Variants in GALNT9 observed in about 807,000 individuals in gnomAD.
GALNT9 encodes the protein GalNAc transferase 9.
In GALNT9, 47 loss-of-function variants were observed where a neutral mutation model predicts 63.1. The ratio of observed to expected loss-of-function variants is 0.75; its 90% CI spans 0.59 to 0.95. The LOEUF (loss-of-function observed/expected upper bound fraction) is 0.95. GALNT9 is among the 40% of genes least tolerant of loss of function. GALNT9 has a pLI of 0.00. For missense variants in GALNT9, 829 were observed against 874.8 expected, an observed-to-expected ratio of 0.95 and a Z score of 0.66; for synonymous variants, 396 against 365.7, an observed-to-expected ratio of 1.08 and a Z score of -0.94.
chr12:132,248,532 A>G (rs1204644095), intron 5 of GALNT9, among the ~76,000 whole-genome samples: 1 of 152,090 alleles, frequency 6.6e-6, no homozygotes, highest in Non-Finnish European at 1.5e-5. Context: ...CTTGAACATC[A>G]TTTCCCAAGT....
Position 132,310,828 on chromosome 12 carries a change from T to C in GALNT9, c.238+18138A>G, listed in dbSNP as rs952227520. On this transcript the variant is annotated intron_variant, in intron 1 of 10. Transcript: ENST00000328957. The surrounding 1 kb of genome is among the most constrained non-coding windows in gnomAD (Gnocchi z 4.8). ...AGAGGAACTAGGTGTGGCTGTGGCCTGAGGGAGGTGATCCCCAAACAGCCC... is the reference window on the plus strand; with the variant it reads ...AGAGGAACTAGGTGTGGCTGTGGCCCGAGGGAGGTGATCCCCAAACAGCCC... Among the ~76,000 whole-genome samples the C allele has an allele frequency of 3.9e-5, 6 of 152,172 alleles. No individual in the cohort carries two copies. The highest frequency in any genetic ancestry group is 8.8e-5 in the Non-Finnish European group (6 of 68,022).
chr12:132,270,071 A>G (rs1290655362), intron 2 of GALNT9, among the ~76,000 whole-genome samples: 2 of 152,238 alleles, frequency 1.3e-5, no homozygotes, highest in Non-Finnish European at 2.9e-5. Context: ...AGTTATTCCA[A>G]CAAGAACAAG....
intron 6 of GALNT9, chr12:132,205,221 G>C (rs1372923793): frequency 6.6e-6 from 1 of 152,134 alleles, no homozygotes; most frequent in Non-Finnish European, 1.5e-5. Flanking sequence ...TCCGGGGGTC[G>C]CCTGTCAGCC....
intron 2 of GALNT9, among the ~76,000 whole-genome samples, chr12:132,264,144 CT>C (rs1457007138): frequency 2.0e-5 from 3 of 152,212 alleles, no homozygotes; most frequent in African/African-American, 7.2e-5. Flanking sequence ...TATCGACGGC[CT>C]TTTATTGATG....
chr12:132,218,227 G>A (rs944514931), intron 6 of GALNT9, among the ~76,000 whole-genome samples: 5 of 152,284 alleles, frequency 3.3e-5, no homozygotes, highest in African/African-American at 1.2e-4. Context: ...TCATCAAGAT[G>A]AGGAAAACAA....
In GALNT9 at chr12:132,296,359, C is replaced by T. The variant is rs782540863; in HGVS notation, c.239-9929G>A. 2.6e-5 allele frequency among the ~76,000 whole-genome samples: 4 copies of T among 152,234 alleles called. No homozygotes were observed. The highest frequency in any genetic ancestry group is 3.2e-3 in the Middle Eastern group (1 of 316). On this transcript the variant is annotated intron_variant, in intron 1 of 10. Transcript: ENST00000328957. This position sits in a 1 kb window ranked among gnomAD's most constrained non-coding sequence, Gnocchi z 4.2. ...GGGATCCAAGAGCAGGAGATGCCCACGCTCACCACCCCATCCACTGATGGC... is the reference window on the plus strand; with the variant it reads ...GGGATCCAAGAGCAGGAGATGCCCATGCTCACCACCCCATCCACTGATGGC...
At chr12:132,198,582 G>A (rs1031535143) in intron 9 of GALNT9, among the ~76,000 whole-genome samples, 6 of 152,156 alleles carry the variant, frequency 3.9e-5, no homozygotes, top group African/African-American at 9.7e-5. Flanking sequence ...AGTCCTGAGC[G>A]GTAAGTGCTG....
intron 6 of GALNT9, among the ~76,000 whole-genome samples, chr12:132,216,446 C>T (rs897114784): frequency 2.6e-5 from 4 of 152,218 alleles, no homozygotes; most frequent in Admixed American, 1.3e-4. Context: ...CAGGACGGTG[C>T]GTGGCACAGC....
At position 132,246,291 on chromosome 12, in the gene GALNT9, T is replaced by C. The variant is rs1233591607; in HGVS notation, c.1077+1619A>G. ...ATGTGCAGTTTAAAATCGGACAGGA[T>C]GAGAGGATTAAAGGCACCTGCAAAC... On this transcript the variant is annotated intron_variant, in intron 6 of 10. Transcript: ENST00000328957. The surrounding 1 kb of genome is among the most constrained non-coding windows in gnomAD (Gnocchi z 4.7). Among the ~76,000 whole-genome samples the C allele has an allele frequency of 1.3e-5, 2 of 152,216 alleles. No homozygotes were observed. The highest frequency in any genetic ancestry group is 2.4e-5 in the African/African-American group (1 of 41,454).
chr12:132,291,967 T>C (rs1194316818), intron 1 of GALNT9, among the ~76,000 whole-genome samples: 1 of 152,140 alleles, frequency 6.6e-6, no homozygotes, highest in Non-Finnish European at 1.5e-5. Context: ...CCCTCGTGGG[T>C]CGCATCCTCA....
At chr12:132,240,520 A>G (rs2136898464) in intron 6 of GALNT9, 1 of 430,510 alleles carries the variant, frequency 2.3e-6, no homozygotes. Flanking sequence ...AGTCGCTGGC[A>G]GTGCTGCTGT....
At position 132,197,252 on chromosome 12, in the gene GALNT9, C is replaced by G; in HGVS notation, c.1667G>C (p.Ser556Thr). 1 of 1,611,484 alleles carries G rather than the reference C, an allele frequency of 6.2e-7. No homozygotes were observed. The highest frequency in any genetic ancestry group is 8.5e-7 in the Non-Finnish European group (1 of 1,179,812). ...PTQRLWDFTQSGPIVSRATGR... is the reference protein window; with the variant it reads ...PTQRLWDFTQTGPIVSRATGR... ...CGTGGCCCGGCTCACAATGGGGCCA[C>G]TCTGTGGGGACAGGCACATCAAGTC... is the stretch of plus-strand genomic sequence containing the variant. The change falls in exon 11 of 11, where the codon AGT becomes ACT. Residue 556 changes from serine to threonine, a missense_variant and splice_region_variant. Physicochemically the swap from Ser to Thr is moderately conservative, Grantham distance 58 (BLOSUM62 1). Coordinates refer to ENST00000328957, the MANE Select transcript of GALNT9 (RefSeq NM_001122636.2).
intron 4 of GALNT9, among the ~76,000 whole-genome samples, chr12:132,259,103 T>C (rs2135542774): frequency 6.6e-6 from 1 of 152,374 alleles, no homozygotes; most frequent in East Asian, 1.9e-4. Flanking sequence ...TTAATTACTG[T>C]TAGCGAAGTG....
intron 2 of GALNT9, among the ~76,000 whole-genome samples, chr12:132,281,364 C>T (rs1880336947): frequency 6.6e-6 from 1 of 152,200 alleles, no homozygotes. Flanking sequence ...AGGAGGCCTC[C>T]TTCGCATTCG....
intron 1 of GALNT9, among the ~76,000 whole-genome samples, chr12:132,320,861 C>A (rs1029667104): frequency 3.4e-4 from 51 of 152,192 alleles, no homozygotes; most frequent in African/African-American, 1.1e-3. Flanking sequence ...ACAGGGCCCC[C>A]CGAGGCTGTT....
chr12:132,207,381 A>G (rs971553946), intron 6 of GALNT9, among the ~76,000 whole-genome samples: 11 of 152,228 alleles, frequency 7.2e-5, no homozygotes, highest in African/African-American at 2.7e-4. Flanking sequence ...GGAACCCCAC[A>G]GCCACTTACG....
intron 4 of GALNT9, among the ~76,000 whole-genome samples, chr12:132,258,753 C>T (rs1433821222): frequency 6.6e-6 from 1 of 152,224 alleles, no homozygotes; most frequent in African/African-American, 2.4e-5. Flanking sequence ...CTTCGATTCC[C>T]CGTCCCAAGC....
chr12:132,261,502 C>T (rs569417059), intron 3 of GALNT9, among the ~76,000 whole-genome samples: 1 of 152,304 alleles, frequency 6.6e-6, no homozygotes, highest in East Asian at 1.9e-4. Flanking sequence ...GATGGAGCTC[C>T]CTGTGGCCAA....
intron 6 of GALNT9, among the ~76,000 whole-genome samples, chr12:132,206,728 G>A (rs1385575383): frequency 1.3e-5 from 2 of 152,210 alleles, no homozygotes; most frequent in South Asian, 2.1e-4. Flanking sequence ...GGACCTGACC[G>A]TGACCCAGCC....
Sources: allele counts gnomAD v4.1 joint callset (sites outside exome capture counted in the v4.1 genomes callset), GRCh38; gene constraint gnomAD v4.1.1; non-coding constraint Gnocchi (gnomAD v3.1); transcripts MANE v1.5; gene names NCBI Gene and HGNC (gene_info 2026-07-23, HGNC 2026-07-21).